The following COL21A1 variants were observed in gnomAD, a reference collection of about 807,000 sequenced individuals.
COL21A1 encodes the protein collagen alpha-1(XXI) chain.
Under a neutral mutation model 137.9 loss-of-function variants are expected in COL21A1, and 149 were observed. The observed-to-expected ratio is 1.08, with a 90% CI of 0.95 to 1.24. The LOEUF (loss-of-function observed/expected upper bound fraction) is 1.24. COL21A1 is among the 50% of genes most tolerant of loss of function. The pLI, the probability that COL21A1 is intolerant of heterozygous loss-of-function variation, is 0.00. For synonymous variants in COL21A1, 456 were observed against 391.5 expected, an observed-to-expected ratio of 1.16 and a Z score of -1.95; for missense variants, 1,167 against 1,158.4, an observed-to-expected ratio of 1.01 and a Z score of -0.11.
intron 1 of COL21A1, among the ~76,000 whole-genome samples, chr6:56,305,040 G>C (rs1306656191): frequency 6.6e-6 from 1 of 152,224 alleles, no homozygotes; most frequent in Non-Finnish European, 1.5e-5. Context: ...TAGCTGAGTG[G>C]TTTTGAGTGA....
intron 7 of COL21A1, 61 bp from the exon 8 acceptor site, chr6:56,164,883 C>T (rs888291627): frequency 3.2e-6 from 4 of 1,239,880 alleles, no homozygotes; most frequent in East Asian, 2.6e-5. Context: ...AAATTATCAG[C>T]CTAATTTACA....
At chr6:56,313,152 A>G (rs948026300) in intron 1 of COL21A1, among the ~76,000 whole-genome samples, 2 of 152,158 alleles carry the variant, frequency 1.3e-5, no homozygotes, top group Admixed American at 1.3e-4. Flanking sequence ...GTACAGGGCA[A>G]GTGGAGTGAT....
At chr6:56,114,592 T>C (rs2152194607) in intron 16 of COL21A1, among the ~76,000 whole-genome samples, 1 of 151,966 alleles carries the variant, frequency 6.6e-6, no homozygotes, top group Admixed American at 6.5e-5. Flanking sequence ...TCACTGGCCA[T>C]CAGAGAAATG....
intron 1 of COL21A1, among the ~76,000 whole-genome samples, chr6:56,216,985 AAC>A (rs984767899): frequency 1.3e-5 from 2 of 152,084 alleles, no homozygotes; most frequent in Non-Finnish European, 2.9e-5. Flanking sequence ...GTATTAAGCA[AAC>A]ACATTCAGTT....
intron 1 of COL21A1, among the ~76,000 whole-genome samples, chr6:56,217,504 A>G (rs1780561019): frequency 6.6e-6 from 1 of 152,052 alleles, no homozygotes; most frequent in Non-Finnish European, 1.5e-5. Context: ...AAAAACATAA[A>G]CCAAATGACT....
intron 1 of COL21A1, among the ~76,000 whole-genome samples, chr6:56,385,172 T>C (rs1270830497): frequency 6.6e-6 from 1 of 152,244 alleles, no homozygotes; most frequent in Non-Finnish European, 1.5e-5. Context: ...TGGTGTATTG[T>C]CTTTTAGTAG....
intron 1 of COL21A1, among the ~76,000 whole-genome samples, chr6:56,266,325 C>T (rs532013677): frequency 1.1e-4 from 17 of 152,272 alleles, no homozygotes; most frequent in African/African-American, 4.1e-4. Context: ...GCCTTTGGAC[C>T]AAATCTAGGC....
chr6:56,103,416 A>T (rs568300964), intron 16 of COL21A1, among the ~76,000 whole-genome samples: 315 of 152,320 alleles, frequency 2.1e-3, no homozygotes, highest in Non-Finnish European at 3.5e-3. Flanking sequence ...CACTTGCCAA[A>T]TAGTAGAAAC....
chr6:56,222,283 A>C (rs1400760221), intron 1 of COL21A1, among the ~76,000 whole-genome samples: 3 of 152,158 alleles, frequency 2.0e-5, no homozygotes, highest in Admixed American at 6.6e-5. Context: ...CAAAAAAAAA[A>C]ATTGAAAGTG....
chr6:56,304,712 T>C (rs1429641665), intron 1 of COL21A1, among the ~76,000 whole-genome samples: 2 of 151,880 alleles, frequency 1.3e-5, no homozygotes, highest in Admixed American at 6.6e-5. Flanking sequence ...TTTTGAAGGG[T>C]TTTTTGTGTC....
chr6:56,135,877 A>C (rs1256063647), intron 12 of COL21A1, among the ~76,000 whole-genome samples: 4 of 152,156 alleles, frequency 2.6e-5, no homozygotes, highest in Non-Finnish European at 4.4e-5. Flanking sequence ...AACATTGACT[A>C]TCTTGAAATA....
intron 1 of COL21A1, among the ~76,000 whole-genome samples, chr6:56,234,195 T>C (rs78588398): frequency 0.02 from 3,074 of 151,696 alleles, 60 homozygotes; most frequent in Non-Finnish European, 0.029. Context: ...TCCAGAAAAA[T>C]TTGAAATTGT....
chr6:56,130,167 A>C (rs895488891), intron 12 of COL21A1, among the ~76,000 whole-genome samples: 1 of 76,938 alleles, frequency 1.3e-5, no homozygotes, highest in African/African-American at 5.6e-5. Context: ...ACAGGGTTTT[A>C]TATATATATA....
chr6:56,073,780 G>T (rs1472361135), intron 20 of COL21A1, among the ~76,000 whole-genome samples: 4 of 151,376 alleles, frequency 2.6e-5, no homozygotes, highest in Admixed American at 6.6e-5. Flanking sequence ...TAAAAGTAAA[G>T]ATAATATGCT....
intron 12 of COL21A1, among the ~76,000 whole-genome samples, chr6:56,128,805 C>T (rs894603048): frequency 6.6e-5 from 10 of 152,292 alleles, no homozygotes; most frequent in Non-Finnish European, 1.3e-4. Context: ...CAGGTACCCA[C>T]CACCATGCCT....
At chr6:56,387,668 C>T (rs976136988) in intron 1 of COL21A1, among the ~76,000 whole-genome samples, 9 of 152,146 alleles carry the variant, frequency 5.9e-5, no homozygotes, top group Admixed American at 3.9e-4. Context: ...CCCTGTAGCC[C>T]TGTCACAGTG....
intron 3 of COL21A1, among the ~76,000 whole-genome samples, chr6:56,176,394 A>G (rs1480605589): frequency 6.7e-6 from 1 of 150,000 alleles, no homozygotes; most frequent in Non-Finnish European, 1.5e-5. Context: ...TTAACATTCA[A>G]AATAAATAAT....
chr6:56,371,378 C>T (rs1438078645), intron 1 of COL21A1, among the ~76,000 whole-genome samples: 1 of 152,164 alleles, frequency 6.6e-6, no homozygotes, highest in Non-Finnish European at 1.5e-5. Flanking sequence ...AATCACAGCC[C>T]AATCTGCTGC....
intron 23 of COL21A1, among the ~76,000 whole-genome samples, chr6:56,066,879 T>C (rs1766297698): frequency 6.6e-6 from 1 of 151,704 alleles, no homozygotes; most frequent in Admixed American, 6.6e-5. Context: ...TTTGAATATG[T>C]TTTATATTTA....
Sources: gnomAD v4.1 joint callset for allele counts (sites outside exome capture counted in the v4.1 genomes callset) on GRCh38, gnomAD v4.1.1 for gene constraint, MANE v1.5 for transcripts, NCBI Gene and HGNC (gene_info 2026-07-23, HGNC 2026-07-21) for gene names.